Variants in RANBP2 observed in about 807,000 individuals in gnomAD.
The protein encoded by RANBP2 is E3 SUMO-protein ligase RanBP2.
RANBP2 carries 57 observed loss-of-function variants against 303.6 expected under a neutral mutation model. The observed-to-expected ratio is 0.19, with a 90% CI of 0.15 to 0.23. RANBP2 has a LOEUF of 0.23. Ranked by LOEUF, RANBP2 falls within the 10% of genes least tolerant of loss-of-function variation. The pLI, the probability that RANBP2 is intolerant of heterozygous loss-of-function variation, is 1.00. For missense variants in RANBP2, 3,138 were observed against 3,780.8 expected (o/e 0.83, Z 4.46); for synonymous variants, 1,167 against 1,301.5 (o/e 0.90, Z 2.23).
At chr2:109,441,283 G>C in the RANBP2 span, among the ~76,000 whole-genome samples, 1 of 152,118 alleles carries the variant, frequency 6.6e-6, no homozygotes, top group African/African-American at 2.4e-5. Flanking sequence ...AATTGACATA[G>C]ATGTTGCAAA....
the RANBP2 span, among the ~76,000 whole-genome samples, chr2:109,494,406 A>G: frequency 6.6e-6 from 1 of 152,148 alleles, no homozygotes; most frequent in Admixed American, 6.5e-5. Flanking sequence ...TCCCCTCAAC[A>G]TGGTAGCCAC....
At chr2:109,323,610 G>C in the RANBP2 span, among the ~76,000 whole-genome samples, 2 of 152,200 alleles carry the variant, frequency 1.3e-5, no homozygotes, top group African/African-American at 4.8e-5. Context: ...CACTGGGGCT[G>C]GAGACTCCTG....
chr2:109,241,362 C>G, the RANBP2 span, among the ~76,000 whole-genome samples: 1 of 152,218 alleles, frequency 6.6e-6, no homozygotes, highest in Non-Finnish European at 1.5e-5. Context: ...CAAAATTCAT[C>G]TTGCTGTGGG....
chr2:108,837,172 C>G, the RANBP2 span, among the ~76,000 whole-genome samples: 1 of 152,034 alleles, frequency 6.6e-6, no homozygotes, highest in Admixed American at 6.5e-5. Flanking sequence ...AATCTGTGGG[C>G]TTTTTATATA....
the RANBP2 span, chr2:108,910,831 C>T: frequency 1.2e-4 from 190 of 1,613,906 alleles, 2 homozygotes; most frequent in South Asian, 2.2e-4. Flanking sequence ...CGCTCTTCCC[C>T]GGGTGGCTGG....
At chr2:108,931,552 T>C in the RANBP2 span, among the ~76,000 whole-genome samples, 1 of 152,132 alleles carries the variant, frequency 6.6e-6, no homozygotes, top group African/African-American at 2.4e-5. Context: ...AACCTAACTT[T>C]ACAGTTGAGA....
the RANBP2 span, among the ~76,000 whole-genome samples, chr2:109,357,948 C>T: frequency 6.6e-6 from 1 of 152,146 alleles, no homozygotes; most frequent in Non-Finnish European, 1.5e-5. Context: ...CCTATAGTCA[C>T]TCTTGGTGCA....
the RANBP2 span, among the ~76,000 whole-genome samples, chr2:109,359,707 C>G: frequency 6.6e-6 from 1 of 152,274 alleles, no homozygotes; most frequent in East Asian, 1.9e-4. Flanking sequence ...GAATATTCCA[C>G]ACCTGACCTT....
At chr2:109,332,691 C>T in the RANBP2 span, among the ~76,000 whole-genome samples, 4 of 152,196 alleles carry the variant, frequency 2.6e-5, no homozygotes, top group African/African-American at 9.7e-5. Context: ...AGTCACCCTT[C>T]TGAGTGATTC....
chr2:109,381,568 C>T, the RANBP2 span, among the ~76,000 whole-genome samples: 2 of 152,020 alleles, frequency 1.3e-5, no homozygotes, highest in Non-Finnish European at 2.9e-5. Context: ...CCCGGGCTTC[C>T]ATGTTCTTGT....
At chr2:109,084,050 A>T in the RANBP2 span, among the ~76,000 whole-genome samples, 6 of 152,102 alleles carry the variant, frequency 3.9e-5, no homozygotes, top group Non-Finnish European at 7.4e-5. Flanking sequence ...ACACCAGCCA[A>T]TTGCAAAGCC....
chr2:109,008,870 G>T, the RANBP2 span, among the ~76,000 whole-genome samples: 1 of 149,916 alleles, frequency 6.7e-6, no homozygotes, highest in African/African-American at 2.5e-5. Flanking sequence ...CTGCACTCCA[G>T]CCTGGGTGAC....
the RANBP2 span, among the ~76,000 whole-genome samples, chr2:109,023,962 G>A: frequency 6.6e-6 from 1 of 152,052 alleles, no homozygotes; most frequent in African/African-American, 2.4e-5. Context: ...TTTCACTCTT[G>A]TTGCTCAGGC....
the RANBP2 span, among the ~76,000 whole-genome samples, chr2:109,250,385 T>G: frequency 6.6e-6 from 1 of 152,116 alleles, no homozygotes; most frequent in Non-Finnish European, 1.5e-5. Flanking sequence ...AGCTTAGCAA[T>G]GTAAGCTTGT....
chr2:108,869,213 A>G, the RANBP2 span, among the ~76,000 whole-genome samples: 6 of 152,298 alleles, frequency 3.9e-5, no homozygotes, highest in South Asian at 6.2e-4. Flanking sequence ...AAACCAGTCA[A>G]AGATCTGTAG....
At chr2:109,272,590 T>C in the RANBP2 span, among the ~76,000 whole-genome samples, 1 of 152,232 alleles carries the variant, frequency 6.6e-6, no homozygotes, top group Non-Finnish European at 1.5e-5. Context: ...CTCGTTCCTT[T>C]GGAGACCCTG....
the RANBP2 span, chr2:109,501,623 G>C: frequency 3.2e-5 from 25 of 778,086 alleles, no homozygotes; most frequent in East Asian, 5.6e-4. Flanking sequence ...CCCTGCAGCG[G>C]AACGGCCGCA....
the RANBP2 span, among the ~76,000 whole-genome samples, chr2:109,221,330 C>T: frequency 6.6e-6 from 1 of 152,084 alleles, no homozygotes; most frequent in African/African-American, 2.4e-5. Context: ...CGGCTGTAAT[C>T]CCAGCATTTT....
chr2:109,463,969 TC>T, the RANBP2 span, among the ~76,000 whole-genome samples: 1 of 151,936 alleles, frequency 6.6e-6, no homozygotes, highest in African/African-American at 2.4e-5. Context: ...TGGCAAGAGG[TC>T]ACCAGGAGAG....
Sources: allele counts gnomAD v4.1 joint callset (sites outside exome capture counted in the v4.1 genomes callset), GRCh38; gene constraint gnomAD v4.1.1; transcripts MANE v1.5; gene names NCBI Gene and HGNC (gene_info 2026-07-23, HGNC 2026-07-21).